Variants in GNRHR observed in about 807,000 individuals in gnomAD.
GNRHR encodes gonadotropin releasing hormone receptor.
A neutral mutation model predicts 28.1 loss-of-function variants in GNRHR; 14 were observed. That is an observed-to-expected ratio of 0.50 (90% CI 0.33 to 0.78). GNRHR has a LOEUF of 0.78. GNRHR is among the 30% of genes least tolerant of loss of function. The probability of loss-of-function intolerance (pLI) is 0.02; values close to 1 mark genes in which losing one functional copy is unlikely to be tolerated. For missense variants in GNRHR, 366 were observed against 382.1 expected (o/e 0.96, Z 0.35); for synonymous variants, 141 against 140.5 (o/e 1.00, Z -0.02).
intron 2 of GNRHR, among the ~76,000 whole-genome samples, chr4:67,743,482 G>C (rs563141773): frequency 6.6e-6 from 1 of 152,050 alleles, no homozygotes; most frequent in Non-Finnish European, 1.5e-5. Context: ...ATACTTACTA[G>C]GTTTTTCTTA....
chr4:67,751,880 C>T (rs1731875217), intron 1 of GNRHR, among the ~76,000 whole-genome samples: 2 of 152,282 alleles, frequency 1.3e-5, no homozygotes, highest in African/African-American at 4.8e-5. Flanking sequence ...TTTTACTTCT[C>T]ATAGCCTGCC....
intron 2 of GNRHR, 24 bp from the exon 3 acceptor site, chr4:67,740,748 G>T: frequency 6.2e-7 from 1 of 1,600,028 alleles, no homozygotes. Context: ...AAAAGAGCAG[G>T]TGTTTAAAGA....
chr4:67,754,168 G>C lies in GNRHR; in HGVS notation c.168C>G (p.Phe56Leu). Reference sequence around the variant, plus strand: ...GTGTCCACTTCTGAAGTTTCAACAAGAAAGAAGCATTAAAGGTCGCAGAGA... The same window carrying C: ...GTGTCCACTTCTGAAGTTTCAACAACAAAGAAGCATTAAAGGTCGCAGAGA... ...FLLSATFNAS[F>L]LLKLQKWTQK... The change falls in exon 1 of 3, where the codon TTC becomes TTG. Residue 56 changes from phenylalanine (F) to leucine (L), a missense_variant. By Grantham distance (22) the Phe-to-Leu change is conservative. Transcript: ENST00000226413. 6.2e-7 allele frequency: 1 copy of C among 1,614,024 alleles called. No homozygotes were observed. Among genetic ancestry groups the C allele is most frequent in the Non-Finnish European group, 8.5e-7 (1 of 1,179,878 alleles).
At chr4:67,743,034 C>A (rs1731687981) in intron 2 of GNRHR, among the ~76,000 whole-genome samples, 1 of 151,970 alleles carries the variant, frequency 6.6e-6, no homozygotes, top group African/African-American at 2.4e-5. Context: ...CTCACTGCAG[C>A]CTTTGCCTCC....
chr4:67,745,531 C>T (rs1006417738), intron 1 of GNRHR, among the ~76,000 whole-genome samples: 4 of 151,870 alleles, frequency 2.6e-5, no homozygotes, highest in African/African-American at 4.8e-5. Flanking sequence ...AAGGAATAAA[C>T]GGAATTAGTG....
intron 1 of GNRHR, among the ~76,000 whole-genome samples, chr4:67,752,799 G>T (rs1185973649): frequency 8.1e-6 from 1 of 123,248 alleles, no homozygotes; most frequent in Non-Finnish European, 1.9e-5. Context: ...CTGCATGGCA[G>T]TTTTTTTTTG....
rs1560516553 is a variant in GNRHR, at chr4:67,741,070, G to GT, written c.743-347dup. Among the ~76,000 whole-genome samples, 7 of 151,692 alleles carry GT rather than the reference G, an allele frequency of 4.6e-5. No individual in the cohort carries two copies. The South Asian group carries it at 1.5e-3, about 32-fold the overall frequency. On this transcript the variant is annotated intron_variant, in intron 2 of 2. Coordinates refer to ENST00000226413, the MANE Select transcript of GNRHR (RefSeq NM_000406.3). ...AAAAATTATTTTTTTATTTTAATAG[G>GT]TTTTTTTGGGGACTGATGGTGTTTG...
chr4:67,748,351 C>A (rs1169733440), intron 1 of GNRHR, among the ~76,000 whole-genome samples: 1 of 152,054 alleles, frequency 6.6e-6, no homozygotes, highest in Non-Finnish European at 1.5e-5. Context: ...ACATGCAAAG[C>A]ACCTGGAATA....
At chr4:67,753,132 C>T (rs1731901698) in intron 1 of GNRHR, among the ~76,000 whole-genome samples, 1 of 152,194 alleles carries the variant, frequency 6.6e-6, no homozygotes, top group Admixed American at 6.5e-5. Flanking sequence ...GGGCCTGTGC[C>T]TACTCTGTCA....
In GNRHR at chr4:67,754,072, C is replaced by A; in HGVS notation, c.264G>T (p.Leu88=). The A allele has an allele frequency of 1.9e-6, 3 of 1,614,194 alleles. No homozygotes were observed. Among genetic ancestry groups the A allele is most frequent in the Non-Finnish European group, 2.5e-6 (3 of 1,180,022 alleles). The change falls in exon 1 of 3, where the codon CTG becomes CTT. Residue 88 remains leucine, a synonymous_variant. Coordinates refer to ENST00000226413, the MANE Select transcript of GNRHR (RefSeq NM_000406.3). ...LLLKHLTLAN[L]LETLIVMPLD... is the part of the protein sequence containing the mutation. ...GTGGCATGACAATCAGAGTCTCCAA[C>A]AGGTTGGCTAAGGTCAGATGTTTTA...
intron 2 of GNRHR, among the ~76,000 whole-genome samples, chr4:67,743,107 C>A (rs1731690367): frequency 6.6e-6 from 1 of 152,052 alleles, no homozygotes; most frequent in Non-Finnish European, 1.5e-5. Context: ...CATGTGCCAC[C>A]ACACCCGGCT....
At chr4:67,745,760 C>T (rs1731742784) in intron 1 of GNRHR, among the ~76,000 whole-genome samples, 1 of 152,108 alleles carries the variant, frequency 6.6e-6, no homozygotes, top group South Asian at 2.1e-4. Context: ...GACCTATTGA[C>T]AATGTCTGTC....
chr4:67,753,677 T>A, intron 1 of GNRHR, 137 bp downstream of exon 1: 1 of 756,644 alleles, frequency 1.3e-6, no homozygotes, highest in Non-Finnish European at 2.2e-6. Context: ...AGAGCCAGAA[T>A]TAAACTTCAC....
chr4:67,740,499 T>C lies in GNRHR; in HGVS notation c.968A>G (p.Tyr323Cys). 6.2e-7 allele frequency: 1 copy of C among 1,603,254 alleles called. No homozygotes were observed. Among genetic ancestry groups the C allele is most frequent in the South Asian group, 1.1e-5 (1 of 90,880 alleles). Residue 323 changes from tyrosine to cysteine, a missense_variant, in exon 3 of 3, where the codon TAT becomes TGT. Physicochemically the swap from Tyr to Cys is radical, Grantham distance 194. Coordinates refer to ENST00000226413, the MANE Select transcript of GNRHR (RefSeq NM_000406.3). ...FLNPCFDPLI[Y>C]GYFSL ...TATCAATCACAGAGAAAAATATCCATAGATAAGTGGATCAAAGCATGGGTT... is the reference window on the plus strand; with the variant it reads ...TATCAATCACAGAGAAAAATATCCACAGATAAGTGGATCAAAGCATGGGTT...
chr4:67,745,702 T>A (rs878896947), intron 1 of GNRHR, among the ~76,000 whole-genome samples: 1 of 152,154 alleles, frequency 6.6e-6, no homozygotes, highest in South Asian at 2.1e-4. Context: ...ATAATAACTT[T>A]ACAGAAGAGA....
rs1731634801 is a variant in GNRHR at position 67,740,382 on chromosome 4, T to C, written c.*98A>G. The C allele has an allele frequency of 4.4e-6, 4 of 906,850 alleles. No individual in the cohort carries two copies. Among genetic ancestry groups the C allele is most frequent in the Non-Finnish European group, 7.3e-6 (4 of 549,322 alleles). 56.2% of individuals were successfully genotyped at this position (906,850 alleles called of 1,614,324 possible). ...ACTTAAGTGTAAATCCTACTTTGTT[T>C]GTATGTAAACATGCTCCAACATTTG... On this transcript the variant is annotated 3_prime_UTR_variant, in exon 3 of 3. Coordinates refer to ENST00000226413, the MANE Select transcript of GNRHR (RefSeq NM_000406.3).
rs573018491 is a variant in GNRHR at position 67,738,986 on chromosome 4, C to A, written c.*1494G>T. Among the ~76,000 whole-genome samples the A allele has an allele frequency of 2.6e-4, 39 of 152,054 alleles. No individual in the cohort carries two copies. Among genetic ancestry groups the A allele is most frequent in the African/African-American group, 7.7e-4 (32 of 41,536 alleles). On this transcript the variant is annotated 3_prime_UTR_variant, in exon 3 of 3. Transcript: ENST00000226413. ...AAAGAAAGGACGTGCCATTAGTTGG[C>A]AATTTGCTTTCCATAATACCACACA...
At chr4:67,743,494 TCA>T (rs1207690049) in intron 2 of GNRHR, among the ~76,000 whole-genome samples, 2 of 152,198 alleles carry the variant, frequency 1.3e-5, no homozygotes, top group Non-Finnish European at 2.9e-5. Flanking sequence ...TTTTTCTTAT[TCA>T]CCATGGTATC....
chr4:67,744,321 T>C (rs1393272513), intron 2 of GNRHR, among the ~76,000 whole-genome samples: 1 of 152,256 alleles, frequency 6.6e-6, no homozygotes, highest in Non-Finnish European at 1.5e-5. Flanking sequence ...GGAATAATCA[T>C]TCTTTCTTAT....
Sources: gnomAD v4.1 joint callset for allele counts (sites outside exome capture counted in the v4.1 genomes callset) on GRCh38, gnomAD v4.1.1 for gene constraint, MANE v1.5 for transcripts, NCBI Gene and HGNC (gene_info 2026-07-23, HGNC 2026-07-21) for gene names.